Variants in WWTR1 observed in about 807,000 individuals in gnomAD.
The protein encoded by WWTR1 is WW domain-containing transcription regulator protein 1.
WWTR1 carries 13 observed loss-of-function variants against 40.1 expected under a neutral mutation model. That is an observed-to-expected ratio of 0.32 (90% confidence interval 0.21 to 0.52). The LOEUF is 0.52. Among genes scored for constraint, WWTR1 ranks in the 20% least tolerant of loss-of-function variants. The pLI is 0.97. For missense variants in WWTR1, 436 were observed against 523.1 expected (o/e 0.83, Z 1.63); for synonymous variants, 230 against 210.1 (o/e 1.09, Z -0.82).
intron 3 of WWTR1, among the ~76,000 whole-genome samples, chr3:149,547,583 G>A (rs1476691057): frequency 1.3e-5 from 2 of 151,934 alleles, no homozygotes; most frequent in African/African-American, 2.4e-5. Context: ...AGGCCAAGCC[G>A]GATTAAGGGC....
At chr3:149,651,550 T>C (rs1244819402) in intron 2 of WWTR1, among the ~76,000 whole-genome samples, 1 of 152,096 alleles carries the variant, frequency 6.6e-6, no homozygotes, top group Non-Finnish European at 1.5e-5. Flanking sequence ...AAATAATGCA[T>C]GAACACATTA....
chr3:149,583,017 G>A (rs1456002983), intron 2 of WWTR1, among the ~76,000 whole-genome samples: 1 of 152,150 alleles, frequency 6.6e-6, no homozygotes, highest in Admixed American at 6.5e-5. Flanking sequence ...CCAGGCTGGA[G>A]TGAAGTGGCA....
intron 2 of WWTR1, among the ~76,000 whole-genome samples, chr3:149,666,176 T>C (rs1713810732): frequency 6.6e-6 from 1 of 151,878 alleles, no homozygotes. Flanking sequence ...TTTTTCTTGG[T>C]GACAAGAGTC....
intron 2 of WWTR1, among the ~76,000 whole-genome samples, chr3:149,594,993 C>T (rs557603945): frequency 9.7e-5 from 10 of 102,768 alleles, no homozygotes; most frequent in South Asian, 3.6e-4. Flanking sequence ...GACGGAGTGT[C>T]GCTCTGTTGC....
intron 2 of WWTR1, among the ~76,000 whole-genome samples, chr3:149,665,147 G>A (rs1450309176): frequency 6.6e-6 from 1 of 151,454 alleles, no homozygotes; most frequent in Admixed American, 6.6e-5. Context: ...TGGTTTAGAA[G>A]TTAATGATCA....
intron 1 of WWTR1, among the ~76,000 whole-genome samples, chr3:149,672,025 C>T (rs899572144): frequency 6.6e-6 from 1 of 152,102 alleles, no homozygotes; most frequent in Admixed American, 6.5e-5. Context: ...TTCCTTTCAT[C>T]TTATGGCTTC....
chr3:149,701,253 GT>G (rs1375883534), intron 1 of WWTR1, among the ~76,000 whole-genome samples: 2 of 152,100 alleles, frequency 1.3e-5, no homozygotes, highest in Non-Finnish European at 2.9e-5. Context: ...AAACTTTGAA[GT>G]GTTCACCTTA....
chr3:149,522,882 C>CAACA (rs756038702), intron 6 of WWTR1, among the ~76,000 whole-genome samples: 4 of 151,516 alleles, frequency 2.6e-5, no homozygotes, highest in African/African-American at 7.3e-5. Context: ...ACTAAAAATA[C>CAACA]AACAAACAAA....
At chr3:149,665,287 G>A (rs549906844) in intron 2 of WWTR1, among the ~76,000 whole-genome samples, 7 of 148,202 alleles carry the variant, frequency 4.7e-5, no homozygotes, top group South Asian at 2.1e-4. Context: ...GTGCAGTGGC[G>A]TCATCTTGGC....
intron 1 of WWTR1, 39 bp from the exon 2 acceptor site, chr3:149,657,348 C>T: frequency 6.4e-7 from 1 of 1,564,868 alleles, no homozygotes; most frequent in Non-Finnish European, 8.7e-7. Flanking sequence ...TATTTAAAGT[C>T]GGAGGAAGTG....
intron 2 of WWTR1, among the ~76,000 whole-genome samples, chr3:149,621,131 CT>C (rs1454132066): frequency 2.6e-5 from 4 of 152,146 alleles, no homozygotes; most frequent in African/African-American, 9.7e-5. Flanking sequence ...TTTTGCTTTG[CT>C]TAAACTGTTT....
At chr3:149,529,077 C>T (rs1735457399) in intron 4 of WWTR1, among the ~76,000 whole-genome samples, 1 of 152,188 alleles carries the variant, frequency 6.6e-6, no homozygotes, top group African/African-American at 2.4e-5. Flanking sequence ...TTCAAATTTG[C>T]TGATGTTTCC....
intron 5 of WWTR1, among the ~76,000 whole-genome samples, chr3:149,711,749 C>T (rs1436196132): frequency 1.3e-5 from 2 of 152,200 alleles, no homozygotes; most frequent in Admixed American, 1.3e-4. Flanking sequence ...GGCTTCTGTG[C>T]ATCACATTTT....
At chr3:149,589,167 C>A (rs1738582602) in intron 2 of WWTR1, among the ~76,000 whole-genome samples, 2 of 152,160 alleles carry the variant, frequency 1.3e-5, no homozygotes, top group Non-Finnish European at 2.9e-5. Context: ...ATATCCAGCA[C>A]CTGTCAGCCT....
intron 2 of WWTR1, among the ~76,000 whole-genome samples, chr3:149,626,095 C>T (rs1374037064): frequency 6.6e-6 from 1 of 152,162 alleles, no homozygotes; most frequent in African/African-American, 2.4e-5. Flanking sequence ...ATGAGTTTTC[C>T]TGCAGGCGCC....
intron 6 of WWTR1, among the ~76,000 whole-genome samples, chr3:149,523,245 G>A (rs969767618): frequency 6.9e-6 from 1 of 145,690 alleles, no homozygotes; most frequent in Admixed American, 6.7e-5. Context: ...CAAACACAAG[G>A]CAATTCTTTT....
In WWTR1 at chr3:149,526,095, A is replaced by T. The variant is rs774715925; in HGVS notation, c.936T>A (p.Thr312=). The change falls in exon 6 of 7, where the codon ACT becomes ACA. Residue 312 remains threonine (T), a synonymous_variant. Transcript: ENST00000360632. ...GGPYHSREQS[T]DSGLGLGCYS... is the part of the protein sequence containing the mutation. ...AGCACCCTAACCCCAGGCCACTGTC[A>T]GTGCTCTGCTCCCTCGAATGATATG... is the stretch of plus-strand genomic sequence containing the variant. 2.5e-6 allele frequency: 4 copies of T among 1,611,030 alleles called. No homozygotes were observed. The highest frequency in any genetic ancestry group is 3.4e-6 in the Non-Finnish European group (4 of 1,178,402).
chr3:149,714,836 C>T (rs1232981344), intron 5 of WWTR1, among the ~76,000 whole-genome samples: 2 of 152,186 alleles, frequency 1.3e-5, no homozygotes, highest in Non-Finnish European at 2.9e-5. Flanking sequence ...AATCAGCACA[C>T]ACTTCCTACC....
At chr3:149,694,656 C>T (rs1006249759) in intron 1 of WWTR1, among the ~76,000 whole-genome samples, 3 of 152,016 alleles carry the variant, frequency 2.0e-5, no homozygotes, top group Non-Finnish European at 4.4e-5. Flanking sequence ...GGCTTGTATC[C>T]AAAAGACAGG....
Sources: gnomAD v4.1 joint callset for allele counts (sites outside exome capture counted in the v4.1 genomes callset) on GRCh38, gnomAD v4.1.1 for gene constraint, MANE v1.5 for transcripts, NCBI Gene and HGNC (gene_info 2026-07-23, HGNC 2026-07-21) for gene names.